The following PNLIPRP3 variants were observed in gnomAD, a reference collection of about 807,000 sequenced individuals.
The protein encoded by PNLIPRP3 is pancreatic lipase-related protein 3.
PNLIPRP3 carries 58 observed loss-of-function variants against 52.8 expected under a neutral mutation model. The ratio of observed to expected loss-of-function variants is 1.10; its 90% CI spans 0.89 to 1.37. PNLIPRP3 has a LOEUF of 1.37. Ranked by LOEUF, PNLIPRP3 falls within the 40% of genes most tolerant of loss-of-function variation. The pLI, the probability that PNLIPRP3 is intolerant of heterozygous loss-of-function variation, is 0.00. For synonymous variants in PNLIPRP3, 192 were observed against 185.0 expected, an observed-to-expected ratio of 1.04 and a Z score of -0.31; for missense variants, 593 against 561.6, an observed-to-expected ratio of 1.06 and a Z score of -0.57.
At chr10:116,439,717 A>C (rs1276385921) in intron 2 of PNLIPRP3, 6 of 770,290 alleles carry the variant, frequency 7.8e-6, no homozygotes, top group Non-Finnish European at 1.4e-5. Flanking sequence ...TGTGGATTTG[A>C]TCTAGGCGCA....
chr10:116,437,439 A>G (rs1845790783), intron 2 of PNLIPRP3, among the ~76,000 whole-genome samples: 1 of 152,136 alleles, frequency 6.6e-6, no homozygotes, highest in Non-Finnish European at 1.5e-5. Context: ...GGTAATGGCA[A>G]AGGAAGTGGC....
At chr10:116,474,821 A>G (rs2133162118) in intron 10 of PNLIPRP3, among the ~76,000 whole-genome samples, 1 of 152,364 alleles carries the variant, frequency 6.6e-6, no homozygotes, top group Non-Finnish European at 1.5e-5. Context: ...GGTTTTGGAG[A>G]AAAAGGAACA....
At position 116,469,225 on chromosome 10, in the gene PNLIPRP3, T is replaced by A. The variant is rs1846327887; in HGVS notation, c.968T>A (p.Met323Lys). Reference sequence around the variant, plus strand: ...TGTTCCAAAGAAGGTTGCCCAACAATGGGTCATTTTGCTGATAGATTTCAC... The same window carrying A: ...TGTTCCAAAGAAGGTTGCCCAACAAAGGGTCATTTTGCTGATAGATTTCAC... ...FFCSKEGCPT[M>K]GHFADRFHFK... The change falls in exon 9 of 12, where the codon ATG becomes AAG. Residue 323 changes from methionine (M) to lysine (K), a missense_variant. Transcript: ENST00000369230. The A allele has an allele frequency of 1.9e-6, 3 of 1,612,426 alleles. No homozygotes were observed. The highest frequency in any genetic ancestry group is 2.5e-6 in the Non-Finnish European group (3 of 1,179,416).
chr10:116,435,858 A>G (rs1338894212), intron 1 of PNLIPRP3, among the ~76,000 whole-genome samples: 1 of 152,226 alleles, frequency 6.6e-6, no homozygotes, highest in African/African-American at 2.4e-5. Context: ...TTGTTGTGGA[A>G]CCACAAAAGA....
At chr10:116,443,802 C>CATATATATATAT (rs1200044232) in intron 3 of PNLIPRP3, among the ~76,000 whole-genome samples, 2 of 13,102 alleles carry the variant, frequency 1.5e-4, no homozygotes, top group African/African-American at 2.3e-4. Context: ...TGTGTGTGTG[C>CATATATATATAT]ATATATATAT....
At chr10:116,473,258 T>G (rs752958554) in intron 10 of PNLIPRP3, among the ~76,000 whole-genome samples, 27 of 152,222 alleles carry the variant, frequency 1.8e-4, no homozygotes, top group Non-Finnish European at 3.2e-4. Flanking sequence ...TGTATGCTGG[T>G]TTAGTTCTAT....
At chr10:116,464,001 AAG>A in intron 7 of PNLIPRP3, among the ~76,000 whole-genome samples, 1 of 152,104 alleles carries the variant, frequency 6.6e-6, no homozygotes, top group Admixed American at 6.5e-5. Flanking sequence ...AAAGAAGAAG[AAG>A]AAGAAGAAAG....
At chr10:116,437,171 C>T (rs1845786468) in intron 2 of PNLIPRP3, among the ~76,000 whole-genome samples, 1 of 152,092 alleles carries the variant, frequency 6.6e-6, no homozygotes. Context: ...AGCAACAATG[C>T]CTATTGTCTA....
At chr10:116,431,147 C>T (rs1316619727) in intron 1 of PNLIPRP3, among the ~76,000 whole-genome samples, 1 of 152,180 alleles carries the variant, frequency 6.6e-6, no homozygotes. Flanking sequence ...CAGAACCTGA[C>T]CACTTGTAAC....
intron 1 of PNLIPRP3, among the ~76,000 whole-genome samples, chr10:116,429,594 A>G (rs1386938077): frequency 6.6e-6 from 1 of 152,226 alleles, no homozygotes; most frequent in Non-Finnish European, 1.5e-5. Context: ...TCTATTGGAT[A>G]AAAAATGAAG....
chr10:116,477,210 C>A lies in PNLIPRP3; in HGVS notation c.*57C>A. The A allele has an allele frequency of 7.0e-7, 1 of 1,436,954 alleles. No homozygotes were observed. The highest frequency in any genetic ancestry group is 1.9e-5 in the Admixed American group (1 of 53,146). The allele number at this position is 1,436,954 out of a possible 1,614,324, so 89.0% of individuals were successfully genotyped here. A position where few individuals can be genotyped will look rare whatever the true frequency, so the allele number is the denominator to read the frequency against. ...TAGGAGCAATGAAGAAAAGTGTCTC[C>A]TTCCACCTGGCATCCAGACCAAATT... On this transcript the variant is annotated 3_prime_UTR_variant, in exon 12 of 12. Transcript: ENST00000369230.
At chr10:116,439,460 T>C in intron 2 of PNLIPRP3, 1 of 668,604 alleles carries the variant, frequency 1.5e-6, no homozygotes. Context: ...AGTTTCTTTA[T>C]TCCTCCTCCT....
intron 2 of PNLIPRP3, among the ~76,000 whole-genome samples, chr10:116,439,027 G>A (rs1845819917): frequency 6.6e-6 from 1 of 152,172 alleles, no homozygotes; most frequent in Non-Finnish European, 1.5e-5. Flanking sequence ...GATATCTGGA[G>A]CAGGTAATGG....
chr10:116,453,776 G>A (rs895885713), intron 4 of PNLIPRP3, among the ~76,000 whole-genome samples: 2 of 152,136 alleles, frequency 1.3e-5, no homozygotes, highest in African/African-American at 4.8e-5. Flanking sequence ...ACCAGAAGCA[G>A]ATGCCAGCAC....
chr10:116,466,150 CTACACATCT>C lies in PNLIPRP3; in HGVS notation c.911_919del (p.Tyr304_Ser306del). On this transcript the variant is annotated inframe_deletion, in exon 8 of 12. Transcript: ENST00000369230. ...CATTTATTGCTTATCCTTGTAGATC[CTACACATCT>C]TTTAAAGCAGTAAGTAAATCATCTT... The C allele has an allele frequency of 6.2e-7, 1 of 1,603,448 alleles. No individual in the cohort carries two copies. Among genetic ancestry groups the C allele is most frequent in the Admixed American group, 1.7e-5 (1 of 59,038 alleles).
Position 116,464,994 on chromosome 10 carries a change from C to T in PNLIPRP3, c.809-1056C>T, listed in dbSNP as rs554215379. 5.3e-5 allele frequency among the ~76,000 whole-genome samples: 8 copies of T among 152,286 alleles called. No homozygotes were observed. In the South Asian group the frequency reaches 1.0e-3, roughly 20 times the overall value. On this transcript the variant is annotated intron_variant, in intron 7 of 11. Transcript: ENST00000369230. ...TGGTGGGTCTCAGGTTCTTGTCCCA[C>T]GTCCAGGAAGAAAGAGGTTACACAG...
intron 7 of PNLIPRP3, among the ~76,000 whole-genome samples, chr10:116,463,174 G>T (rs1242912806): frequency 6.6e-6 from 1 of 150,694 alleles, no homozygotes; most frequent in Non-Finnish European, 1.5e-5. Flanking sequence ...TTCTGTCTCA[G>T]TTCTCTATTG....
chr10:116,443,650 GTGTTTATATA>G (rs1564695398), intron 3 of PNLIPRP3, among the ~76,000 whole-genome samples: 3 of 4,158 alleles, frequency 7.2e-4, no homozygotes, highest in African/African-American at 1.6e-3. Flanking sequence ...TAACACATAT[GTGTTTATATA>G]TATAACACAT....
chr10:116,456,979 A>C (rs1807990996), intron 5 of PNLIPRP3, among the ~76,000 whole-genome samples: 1 of 152,186 alleles, frequency 6.6e-6, no homozygotes. Context: ...CACTGCTCCA[A>C]ATCTCTCAGG....
Sources: allele counts gnomAD v4.1 joint callset (sites outside exome capture counted in the v4.1 genomes callset), GRCh38; gene constraint gnomAD v4.1.1; transcripts MANE v1.5; gene names NCBI Gene and HGNC (gene_info 2026-07-23, HGNC 2026-07-21).